The following MTDH variants were observed in gnomAD, a reference collection of about 807,000 sequenced individuals.
MTDH encodes the protein metadherin.
In MTDH, 34 loss-of-function variants were observed where a neutral mutation model predicts 72.7. That is an observed-to-expected ratio of 0.47 (90% confidence interval 0.36 to 0.62). The LOEUF is 0.62. Ranked by LOEUF, MTDH falls within the 20% of genes least tolerant of loss-of-function variation. The pLI is 0.00. For synonymous variants in MTDH, 266 were observed against 268.9 expected (o/e 0.99, Z 0.10); for missense variants, 677 against 699.4 (o/e 0.97, Z 0.36).
intron 2 of MTDH, among the ~76,000 whole-genome samples, chr8:97,684,644 T>C (rs1213969123): frequency 1.3e-5 from 2 of 152,228 alleles, no homozygotes; most frequent in Non-Finnish European, 2.9e-5. Context: ...AGTTGACAGA[T>C]GTTCAATATG....
intron 9 of MTDH, 23 bp downstream of exon 9, chr8:97,713,792 A>G: frequency 1.4e-6 from 2 of 1,418,788 alleles, no homozygotes; most frequent in Non-Finnish European, 1.9e-6. Context: ...AACAACAAGC[A>G]TTCATTAAGC....
At chr8:97,700,960 T>C (rs17752436) in intron 7 of MTDH, among the ~76,000 whole-genome samples, 6,703 of 152,192 alleles carry the variant, frequency 0.044, 206 homozygotes, top group Non-Finnish European at 0.066. Flanking sequence ...GAGGACCATA[T>C]TGTGAAATGC....
At position 97,703,386 on chromosome 8, in the gene MTDH, C is replaced by T. The variant is rs538568520; in HGVS notation, c.1148-3240C>T. ...AAATACTTTTACTAAGCATTTTACT[C>T]GATTTTTATTTTTCACCTCCACCTC... On this transcript the variant is annotated intron_variant, in intron 7 of 11. Transcript: ENST00000336273. 2.6e-5 allele frequency among the ~76,000 whole-genome samples: 4 copies of T among 152,240 alleles called. No individual in the cohort carries two copies. The South Asian group carries it at 6.2e-4, about 24-fold the overall frequency.
At chr8:97,694,453 T>C (rs1586255448) in intron 6 of MTDH, among the ~76,000 whole-genome samples, 1 of 152,222 alleles carries the variant, frequency 6.6e-6, no homozygotes, top group South Asian at 2.1e-4. Context: ...TGCCTTAGCC[T>C]CCCAAAGTAC....
At chr8:97,694,581 C>G (rs1240766546) in intron 6 of MTDH, among the ~76,000 whole-genome samples, 4 of 152,140 alleles carry the variant, frequency 2.6e-5, no homozygotes, top group African/African-American at 7.2e-5. Flanking sequence ...CCCTTCCTCC[C>G]CATTATATTG....
Position 97,675,828 on chromosome 8 carries a change from T to C in MTDH, c.484-10840T>C, listed in dbSNP as rs540654034. 2.2e-3 allele frequency among the ~76,000 whole-genome samples: 334 copies of C among 151,842 alleles called. 2 individuals are homozygous for C. The highest frequency in any genetic ancestry group is 4.3e-3 in the Non-Finnish European group (289 of 67,968). ...TAGAAGTTGCAGTGAGCCGAGATCA[T>C]GCCACTGCACTCCAGCCTGGGTAGC... On this transcript the variant is annotated intron_variant, in intron 2 of 11. Transcript: ENST00000336273.
At position 97,678,659 on chromosome 8, in the gene MTDH, G is replaced by A. The variant is rs186916154; in HGVS notation, c.484-8009G>A. 5.4e-3 allele frequency among the ~76,000 whole-genome samples: 680 copies of A among 126,892 alleles called. 6 individuals are homozygous for A. In the Middle Eastern group the frequency reaches 0.062, roughly 12 times the overall value. The allele number at this position is 126,892 out of a possible 152,430, so 83.2% of individuals were successfully genotyped here. Reference sequence around the variant, plus strand: ...TTGCTTAGTCACCCAGGCTGGTCTCGAACTCCTGGCCTCAAACAATCCTCC... The same window carrying A: ...TTGCTTAGTCACCCAGGCTGGTCTCAAACTCCTGGCCTCAAACAATCCTCC... On this transcript the variant is annotated intron_variant, in intron 2 of 11. Transcript: ENST00000336273.
chr8:97,714,467 G>A (rs1310212129), intron 9 of MTDH, among the ~76,000 whole-genome samples: 1 of 148,298 alleles, frequency 6.7e-6, no homozygotes, highest in Admixed American at 6.7e-5. Flanking sequence ...AGCTAGGCAC[G>A]GTGGCATACG....
At chr8:97,660,250 T>C (rs2130930980) in intron 1 of MTDH, among the ~76,000 whole-genome samples, 1 of 152,332 alleles carries the variant, frequency 6.6e-6, no homozygotes, top group South Asian at 2.1e-4. Flanking sequence ...CTAAGTGCTA[T>C]CCATCATTTT....
chr8:97,696,502 T>C (rs1250560627), intron 6 of MTDH, among the ~76,000 whole-genome samples: 1 of 152,228 alleles, frequency 6.6e-6, no homozygotes, highest in Non-Finnish European at 1.5e-5. Context: ...GTAAGGATTC[T>C]GTAGCTTGAG....
At chr8:97,719,347 GCC>G (rs1168893718) in intron 10 of MTDH, among the ~76,000 whole-genome samples, 158 bp downstream of exon 10, 14 of 151,940 alleles carry the variant, frequency 9.2e-5, no homozygotes, top group African/African-American at 2.9e-4. Context: ...ACAAAAATTA[GCC>G]GGGCACGGTG....
intron 8 of MTDH, among the ~76,000 whole-genome samples, chr8:97,709,640 A>T (rs1249630138): frequency 6.6e-6 from 1 of 152,234 alleles, no homozygotes; most frequent in Non-Finnish European, 1.5e-5. Context: ...ATGCTGAATG[A>T]TGAGCAAGTT....
In MTDH at chr8:97,655,754, C is replaced by G. The variant is rs1353236250; in HGVS notation, c.382-5318C>G. ...ATCACTTGAGCCCAGGAGTTCAAGA[C>G]CAGCCTGGGCAACATAGCAAGACCT... On this transcript the variant is annotated intron_variant, in intron 1 of 11. Transcript: ENST00000336273. Among the ~76,000 whole-genome samples, 3 of 152,166 alleles carry G rather than the reference C, an allele frequency of 2.0e-5. No individual in the cohort carries two copies. The South Asian group carries it at 6.2e-4, about 32-fold the overall frequency.
intron 1 of MTDH, among the ~76,000 whole-genome samples, chr8:97,651,198 A>G (rs567674571): frequency 2.3e-4 from 35 of 152,332 alleles, no homozygotes; most frequent in African/African-American, 7.2e-4. Context: ...CCAATACCAT[A>G]TACAATACAT....
In MTDH at chr8:97,719,075, T is replaced by C; in HGVS notation, c.1407T>C (p.Ile469=). Reference sequence around the variant, plus strand: ...ACACAGAAGAATTAGAAAAAGAGATTAGAGAAGACCTTCCAGTGAATACCT... The same window carrying C: ...ACACAGAAGAATTAGAAAAAGAGATCAGAGAAGACCTTCCAGTGAATACCT... ...AQDTEELEKE[I]REDLPVNTSK... is the part of the protein sequence containing the mutation. Residue 469 remains isoleucine (I), a synonymous_variant, in exon 10 of 12, where the codon ATT becomes ATC. Coordinates refer to ENST00000336273, the MANE Select transcript of MTDH (RefSeq NM_178812.4). The C allele has an allele frequency of 6.2e-7, 1 of 1,610,110 alleles. No homozygotes were observed. The highest frequency in any genetic ancestry group is 8.5e-7 in the Non-Finnish European group (1 of 1,178,330).
intron 5 of MTDH, among the ~76,000 whole-genome samples, chr8:97,689,898 G>GCA (rs1813519027): frequency 1.3e-5 from 2 of 151,292 alleles, no homozygotes; most frequent in Non-Finnish European, 2.9e-5. Context: ...TAGTAGAGAT[G>GCA]GGGTTTCACC....
rs1239542646 is a variant in MTDH at position 97,724,914 on chromosome 8, G to A, written c.*244G>A. On this transcript the variant is annotated 3_prime_UTR_variant, in exon 12 of 12. Transcript: ENST00000336273. ...AAAGTCTTTTTAATAGAACAAGAACGATCTTAATTTAAGAATATTATCCTG... is the reference window on the plus strand; with the variant it reads ...AAAGTCTTTTTAATAGAACAAGAACAATCTTAATTTAAGAATATTATCCTG... 1.0e-5 allele frequency: 3 copies of A among 297,270 alleles called. No individual in the cohort carries two copies. The highest frequency in any genetic ancestry group is 6.5e-5 in the South Asian group (1 of 15,374). 18.4% of individuals were successfully genotyped at this position (297,270 alleles called of 1,614,324 possible).
chr8:97,683,045 C>CTTTTTTTTTTTTT lies in MTDH; in HGVS notation c.484-3598_484-3586dup, dbSNP rs71271144. 2.9e-4 allele frequency among the ~76,000 whole-genome samples: 13 copies of CTTTTTTTTTTTTT among 44,386 alleles called. 3 individuals are homozygous for CTTTTTTTTTTTTT. Among genetic ancestry groups the CTTTTTTTTTTTTT allele is most frequent in the Non-Finnish European group, 3.0e-4 (7 of 22,954 alleles). 29.1% of individuals were successfully genotyped at this position (44,386 alleles called of 152,430 possible). A position where few individuals can be genotyped will look rare whatever the true frequency, so the allele number is the denominator to read the frequency against. ...CTTTACCCTATGATGCTCTTAGACACTTTTTTTTTTTTTTTTTTTTTTTTT... is the reference window on the plus strand; with the variant it reads ...CTTTACCCTATGATGCTCTTAGACACTTTTTTTTTTTTTTTTTTTTTTTTTTTTTTTTTTTTTT... On this transcript the variant is annotated intron_variant, in intron 2 of 11. Coordinates refer to ENST00000336273, the MANE Select transcript of MTDH (RefSeq NM_178812.4).
At chr8:97,650,376 G>A (rs541565253) in intron 1 of MTDH, among the ~76,000 whole-genome samples, 2 of 148,262 alleles carry the variant, frequency 1.3e-5, no homozygotes, top group South Asian at 4.3e-4. Flanking sequence ...CCAGGCTCAA[G>A]CGACTCTCCC....
Sources: allele counts gnomAD v4.1 joint callset (sites outside exome capture counted in the v4.1 genomes callset), GRCh38; gene constraint gnomAD v4.1.1; transcripts MANE v1.5; gene names NCBI Gene and HGNC (gene_info 2026-07-23, HGNC 2026-07-21).